The following FAM53B variants were observed in gnomAD, a reference collection of about 807,000 sequenced individuals.
The protein encoded by FAM53B is protein FAM53B.
Under a neutral mutation model 32.7 loss-of-function variants are expected in FAM53B, and 12 were observed. The ratio of observed to expected loss-of-function variants is 0.37; its 90% CI spans 0.24 to 0.59. The LOEUF is 0.59. Among genes scored for constraint, FAM53B ranks in the 20% least tolerant of loss-of-function variants. The probability of loss-of-function intolerance (pLI) is 0.72; values close to 1 mark genes in which losing one functional copy is unlikely to be tolerated. For missense variants in FAM53B, 477 were observed against 577.7 expected (o/e 0.83, Z 1.79); for synonymous variants, 234 against 228.7 (o/e 1.02, Z -0.21).
intron 1 of FAM53B, among the ~76,000 whole-genome samples, chr10:124,731,384 C>T (rs1564890359): frequency 1.3e-5 from 2 of 152,262 alleles, no homozygotes; most frequent in East Asian, 3.9e-4. Flanking sequence ...AAGTCAAAAG[C>T]CATCAAGTGG....
Position 124,706,886 on chromosome 10 carries a change from C to A in FAM53B, c.-173G>T. ...GGGAAATGGCCAAATGTGGTCAACTCCCTGGAAAGACAAAAGAAAAGCAAA... is the reference window on the plus strand; with the variant it reads ...GGGAAATGGCCAAATGTGGTCAACTACCTGGAAAGACAAAAGAAAAGCAAA... On this transcript the variant is annotated splice_region_variant and 5_prime_UTR_variant, in exon 2 of 5. Transcript: ENST00000337318. The A allele has an allele frequency of 6.9e-7, 1 of 1,443,192 alleles. No individual in the cohort carries two copies. The highest frequency in any genetic ancestry group is 9.1e-7 in the Non-Finnish European group (1 of 1,101,896). The allele number at this position is 1,443,192 out of a possible 1,614,324, so 89.4% of individuals were successfully genotyped here. A position where few individuals can be genotyped will look rare whatever the true frequency, so the allele number is the denominator to read the frequency against.
intron 4 of FAM53B, among the ~76,000 whole-genome samples, chr10:124,638,051 A>G (rs964024716): frequency 6.6e-6 from 1 of 152,140 alleles, no homozygotes; most frequent in Non-Finnish European, 1.5e-5. Flanking sequence ...ATGATGATCC[A>G]TTTGGGGTGG....
intron 4 of FAM53B, among the ~76,000 whole-genome samples, chr10:124,674,977 A>G (rs1167879708): frequency 6.6e-6 from 1 of 152,232 alleles, no homozygotes; most frequent in Non-Finnish European, 1.5e-5. Context: ...TAGCTTCTCA[A>G]ACATTCTCTG....
chr10:124,639,067 C>T (rs1236988054), intron 4 of FAM53B, among the ~76,000 whole-genome samples: 1 of 151,844 alleles, frequency 6.6e-6, no homozygotes, highest in Non-Finnish European at 1.5e-5. Context: ...CCAGACTTAC[C>T]CACCAGGGAC....
intron 1 of FAM53B, among the ~76,000 whole-genome samples, chr10:124,730,366 C>T (rs886195815): frequency 7.9e-5 from 12 of 152,222 alleles, no homozygotes; most frequent in African/African-American, 2.2e-4. Context: ...AGGTTACAGG[C>T]TGCAGAGGGG....
intron 2 of FAM53B, among the ~76,000 whole-genome samples, chr10:124,696,552 C>T (rs1373845115): frequency 6.6e-6 from 1 of 152,124 alleles, no homozygotes; most frequent in East Asian, 1.9e-4. Context: ...GAACAAGCTT[C>T]CCTGAGCTGG....
intron 1 of FAM53B, among the ~76,000 whole-genome samples, chr10:124,711,085 T>C (rs1156884498): frequency 6.6e-6 from 1 of 152,044 alleles, no homozygotes; most frequent in Non-Finnish European, 1.5e-5. Context: ...GGTGAACAAT[T>C]AGACAAAATG....
intron 3 of FAM53B, among the ~76,000 whole-genome samples, chr10:124,686,190 G>A (rs1016994498): frequency 6.6e-6 from 1 of 152,150 alleles, no homozygotes; most frequent in Non-Finnish European, 1.5e-5. Flanking sequence ...TTAATAACTA[G>A]ACTGCAGGAA....
chr10:124,623,568 C>T lies in FAM53B; in HGVS notation c.943G>A (p.Ala315Thr), dbSNP rs375361851. The change falls in exon 5 of 5, where the codon GCA (alanine) becomes ACA (threonine). Residue 315 changes from alanine (A) to threonine (T), a missense_variant. This residue lies in a region of FAM53B where 165 missense variants were observed against 157.5 expected (regional missense o/e 1.05). Coordinates refer to ENST00000337318, the MANE Select transcript of FAM53B (RefSeq NM_014661.4). ...QTFSSLSCLS[A>T]GTEDCGPQSP... ...TGGGGACCGCAGTCCTCTGTCCCTG[C>T]GCTCAGGCAGCTGAGGCTGCTGAAG... 27 of 1,606,268 alleles carry T rather than the reference C, an allele frequency of 1.7e-5. No individual in the cohort carries two copies. The highest frequency in any genetic ancestry group is 6.8e-5 in the Admixed American group (4 of 59,254).
chr10:124,686,432 GCT>G (rs1163384589), intron 3 of FAM53B, among the ~76,000 whole-genome samples: 15 of 152,192 alleles, frequency 9.9e-5, no homozygotes, highest in Non-Finnish European at 1.5e-4. Context: ...CCAAACATCA[GCT>G]CTTTCACTCC....
At chr10:124,695,268 C>T (rs1462964330) in intron 3 of FAM53B, among the ~76,000 whole-genome samples, 2 of 152,070 alleles carry the variant, frequency 1.3e-5, no homozygotes, top group Non-Finnish European at 2.9e-5. Flanking sequence ...CAAGACGTCC[C>T]CAAAGGTGGG....
Position 124,681,973 on chromosome 10 carries a change from G to A in FAM53B, c.540C>T (p.Pro180=), listed in dbSNP as rs1346426187. Residue 180 remains proline (P), a synonymous_variant, in exon 4 of 5, where the codon CCC becomes CCT. Coordinates refer to ENST00000337318, the MANE Select transcript of FAM53B (RefSeq NM_014661.4). ...GGTGGTGGAGTCCTGCCTGGTCGCA[G>A]GGTGAGGAGAGCACGTTGGCCCGGG... The part of the protein sequence containing the change: ...LPSRANVLSS[P]CDQAGLHHRF... 21 of 1,614,128 alleles carry A rather than the reference G, an allele frequency of 1.3e-5. No homozygotes were observed. The highest frequency in any genetic ancestry group is 1.8e-5 in the Non-Finnish European group (21 of 1,180,034).
intron 3 of FAM53B, among the ~76,000 whole-genome samples, chr10:124,689,467 A>G (rs1030695911): frequency 2.0e-5 from 3 of 152,218 alleles, no homozygotes; most frequent in Admixed American, 6.5e-5. Context: ...GGTCCTGCCC[A>G]CGCACCTGGG....
Position 124,682,954 on chromosome 10 carries a change from G to A in FAM53B, c.134-575C>T, listed in dbSNP as rs1480858870. On this transcript the variant is annotated intron_variant, in intron 3 of 4. Transcript: ENST00000337318. The surrounding 1 kb of genome is among the most constrained non-coding windows in gnomAD (Gnocchi z 5.2). ...TTGAAAGCCTTTGCTGATAATAGAA[G>A]CTGGAACTTGTACTGATTTAGGTCA... 6.6e-6 allele frequency among the ~76,000 whole-genome samples: 1 copy of A among 152,260 alleles called. No homozygotes were observed. Among genetic ancestry groups the A allele is most frequent in the African/African-American group, 2.4e-5 (1 of 41,460 alleles).
chr10:124,629,960 G>A (rs763255967), intron 4 of FAM53B, among the ~76,000 whole-genome samples: 2 of 152,176 alleles, frequency 1.3e-5, no homozygotes, highest in African/African-American at 4.8e-5. Flanking sequence ...GAGATGCCTC[G>A]AAGGCTGTGG....
rs1950157362 is a variant in FAM53B at position 124,733,467 on chromosome 10, A to AC, written c.-175+10545dup. On this transcript the variant is annotated intron_variant, in intron 1 of 4. Coordinates refer to ENST00000337318, the MANE Select transcript of FAM53B (RefSeq NM_014661.4). This position sits in a 1 kb window ranked among gnomAD's most constrained non-coding sequence, Gnocchi z 4.3. Reference sequence around the variant, plus strand: ...CAGGCTATGACAGAGCCCAGGGGGCACCGAAGCTCCCTCTTCCATCGCACC... The same window carrying AC: ...CAGGCTATGACAGAGCCCAGGGGGCACCCGAAGCTCCCTCTTCCATCGCACC... 6.6e-6 allele frequency among the ~76,000 whole-genome samples: 1 copy of AC among 152,080 alleles called. No individual in the cohort carries two copies. Among genetic ancestry groups the AC allele is most frequent in the South Asian group, 2.1e-4 (1 of 4,832 alleles).
At chr10:124,681,281 C>T (rs1489564127) in intron 4 of FAM53B, among the ~76,000 whole-genome samples, 2 of 152,100 alleles carry the variant, frequency 1.3e-5, no homozygotes, top group Non-Finnish European at 2.9e-5. Context: ...CTGGGAGAGA[C>T]GGCTCCAGTG....
intron 4 of FAM53B, chr10:124,667,547 C>T (rs920035589): frequency 4.5e-5 from 31 of 684,024 alleles, no homozygotes; most frequent in South Asian, 2.7e-4. Flanking sequence ...CCCTCTGAGC[C>T]TCCACATCCA....
intron 1 of FAM53B, among the ~76,000 whole-genome samples, chr10:124,731,820 T>C (rs1950145386): frequency 6.6e-6 from 1 of 152,166 alleles, no homozygotes; most frequent in Non-Finnish European, 1.5e-5. Context: ...TTCCCCGACC[T>C]TGGAGACGGG....
Sources: gnomAD v4.1 joint callset for allele counts (sites outside exome capture counted in the v4.1 genomes callset) on GRCh38, gnomAD v4.1.1 for gene constraint, gnomAD v4.1.1 regional missense constraint, Gnocchi (gnomAD v3.1) non-coding constraint, MANE v1.5 for transcripts, NCBI Gene and HGNC (gene_info 2026-07-23, HGNC 2026-07-21) for gene names.